Variants in PPARG observed in about 807,000 individuals in gnomAD.
The protein encoded by PPARG is peroxisome proliferator-activated receptor gamma.
In PPARG, 17 loss-of-function variants were observed where a neutral mutation model predicts 39.2. The ratio of observed to expected loss-of-function variants is 0.43; its 90% CI spans 0.30 to 0.65. PPARG has a LOEUF of 0.65. Among genes scored for constraint, PPARG ranks in the 30% least tolerant of loss-of-function variants. The pLI is 0.13. For missense variants in PPARG, 406 were observed against 585.9 expected (o/e 0.69, Z 3.17); for synonymous variants, 223 against 215.7 (o/e 1.03, Z -0.30).
rs117634999 is a variant in PPARG, at chr3:12,391,046, T to C, written c.391-1568T>C. Among the ~76,000 whole-genome samples, 12 of 152,302 alleles carry C rather than the reference T, an allele frequency of 7.9e-5. No individual in the cohort carries two copies. The East Asian group carries it at 1.9e-3, about 25-fold the overall frequency. On this transcript the variant is annotated intron_variant, in intron 4 of 7. Transcript: ENST00000651735. ...CGCCTTTGTAACATCTCAGTCACAA[T>C]TGGGAATCACAAACTACCAGAGATG... is the stretch of plus-strand genomic sequence containing the variant.
intron 2 of PPARG, chr3:12,372,188 C>A (rs2049242742): frequency 4.2e-6 from 3 of 716,310 alleles, no homozygotes; most frequent in Non-Finnish European, 7.8e-6. Context: ...CATAGTACAT[C>A]CCCTGCCCCC....
intron 2 of PPARG, among the ~76,000 whole-genome samples, chr3:12,312,717 C>CT (rs2047281641): frequency 6.7e-6 from 1 of 150,242 alleles, no homozygotes; most frequent in African/African-American, 2.4e-5. Flanking sequence ...TAATTAAAGT[C>CT]TTTTATATTC....
Position 12,413,625 on chromosome 3 carries a change from A to G in PPARG, c.730-3079A>G, listed in dbSNP as rs1252177783. Among the ~76,000 whole-genome samples, 4 of 151,792 alleles carry G rather than the reference A, an allele frequency of 2.6e-5. No individual in the cohort carries two copies. The East Asian group carries it at 5.8e-4, about 22-fold the overall frequency. ...GGAGTTCAAGACCAGCCTGGCCAAC[A>G]TGGTGAAACCCCGTCTATACTAAAA... On this transcript the variant is annotated intron_variant, in intron 6 of 7. Coordinates refer to ENST00000651735, the MANE Select transcript of PPARG (RefSeq NM_138711.6).
At chr3:12,395,278 A>G (rs2050218114) in intron 5 of PPARG, among the ~76,000 whole-genome samples, 1 of 152,240 alleles carries the variant, frequency 6.6e-6, no homozygotes, top group Non-Finnish European at 1.5e-5. Flanking sequence ...GGCACCTGGC[A>G]TGTCAGTTGC....
At chr3:12,330,323 A>AAT (rs2047820527) in intron 2 of PPARG, among the ~76,000 whole-genome samples, 1 of 150,164 alleles carries the variant, frequency 6.7e-6, no homozygotes, top group African/African-American at 2.4e-5. Flanking sequence ...AAAAAAAAAA[A>AAT]GCTGTCCTAT....
chr3:12,324,902 C>G (rs1037487894), intron 2 of PPARG, among the ~76,000 whole-genome samples: 2 of 152,164 alleles, frequency 1.3e-5, no homozygotes, highest in African/African-American at 4.8e-5. Flanking sequence ...GTGTCCTCAG[C>G]ATCAAGGACA....
intron 4 of PPARG, among the ~76,000 whole-genome samples, chr3:12,387,857 C>G (rs977608652): frequency 2.1e-5 from 3 of 141,020 alleles, no homozygotes; most frequent in African/African-American, 8.1e-5. Flanking sequence ...TTAGGTCTTA[C>G]ATTTAAGTCT....
intron 4 of PPARG, among the ~76,000 whole-genome samples, chr3:12,385,300 T>C (rs567731545): frequency 3.9e-4 from 59 of 152,308 alleles, no homozygotes; most frequent in African/African-American, 1.3e-3. Context: ...AAAACAACTT[T>C]TGGTAGATCT....
chr3:12,369,797 T>C (rs1306796303), intron 2 of PPARG, among the ~76,000 whole-genome samples: 4 of 152,192 alleles, frequency 2.6e-5, no homozygotes, highest in Non-Finnish European at 5.9e-5. Flanking sequence ...TTTTTGTCAC[T>C]TAGTCATTGC....
chr3:12,426,275 G>A (rs936327582), intron 7 of PPARG, among the ~76,000 whole-genome samples: 12 of 152,338 alleles, frequency 7.9e-5, no homozygotes, highest in African/African-American at 2.6e-4. Context: ...ACTTCAGAGC[G>A]AAGGCTCTAC....
intron 2 of PPARG, among the ~76,000 whole-genome samples, chr3:12,323,490 A>G (rs147487702): frequency 3.2e-4 from 49 of 152,356 alleles, no homozygotes; most frequent in Admixed American, 6.5e-4. Flanking sequence ...GACAACACTT[A>G]GTACTTCTGT....
intron 1 of PPARG, among the ~76,000 whole-genome samples, chr3:12,300,993 A>T (rs1053837102): frequency 2.6e-5 from 4 of 152,198 alleles, no homozygotes; most frequent in Non-Finnish European, 5.9e-5. Flanking sequence ...AATCTTAGGG[A>T]ATTTCCTAAA....
chr3:12,334,451 G>A (rs1019340631), intron 2 of PPARG, among the ~76,000 whole-genome samples: 1 of 151,844 alleles, frequency 6.6e-6, no homozygotes, highest in Non-Finnish European at 1.5e-5. Context: ...GGCTGGTCTC[G>A]AACTCCTGAC....
intron 2 of PPARG, among the ~76,000 whole-genome samples, chr3:12,323,138 A>G (rs748641323): frequency 6.6e-6 from 1 of 152,106 alleles, no homozygotes; most frequent in Admixed American, 6.6e-5. Context: ...ATATGATTTG[A>G]TGACTGAATA....
rs2051370892 is a variant in PPARG, at chr3:12,424,528, C to T, written c.1180+7374C>T. On this transcript the variant is annotated intron_variant, in intron 7 of 7. Transcript: ENST00000651735. ...GGAGCACTTTATCATTTTGGGCTCT[C>T]ACAATGTGTGTTTAAACTCTGAGTG... is the stretch of plus-strand genomic sequence containing the variant. Among the ~76,000 whole-genome samples the T allele has an allele frequency of 2.0e-5, 3 of 152,196 alleles. No individual in the cohort carries two copies. In the South Asian group the frequency reaches 6.2e-4, roughly 32 times the overall value.
intron 2 of PPARG, among the ~76,000 whole-genome samples, chr3:12,334,933 C>T (rs916118190): frequency 1.4e-4 from 21 of 152,194 alleles, no homozygotes; most frequent in Admixed American, 6.5e-4. Context: ...CTTTTACTTA[C>T]GACTACGGAT....
chr3:12,403,292 C>CAAA (rs35403303), intron 5 of PPARG, among the ~76,000 whole-genome samples: 4 of 136,134 alleles, frequency 2.9e-5, no homozygotes, highest in South Asian at 2.4e-4. Context: ...GACCCTGTCT[C>CAAA]AAAAAAAAAA....
intron 2 of PPARG, among the ~76,000 whole-genome samples, chr3:12,365,524 T>C (rs1171935458): frequency 6.6e-6 from 1 of 152,150 alleles, no homozygotes; most frequent in Non-Finnish European, 1.5e-5. Context: ...TACATTTAGA[T>C]CTATGTTCCA....
chr3:12,351,595 G>A, intron 2 of PPARG: 1 of 1,602,650 alleles, frequency 6.2e-7, no homozygotes. Flanking sequence ...ATGCTGTTAT[G>A]GGTGAAACTC....
Sources: allele counts gnomAD v4.1 joint callset (sites outside exome capture counted in the v4.1 genomes callset), GRCh38; gene constraint gnomAD v4.1.1; transcripts MANE v1.5; gene names NCBI Gene and HGNC (gene_info 2026-07-23, HGNC 2026-07-21).